FAR2: variants seen among roughly 807,000 people sequenced by gnomAD.
FAR2 encodes fatty acyl-CoA reductase 2.
Under a neutral mutation model 56.0 loss-of-function variants are expected in FAR2, and 19 were observed. That is an observed-to-expected ratio of 0.34 (90% CI 0.24 to 0.50). The LOEUF (loss-of-function observed/expected upper bound fraction) is 0.50. Ranked by LOEUF, FAR2 falls within the 20% of genes least tolerant of loss-of-function variation. The pLI is 0.98. For missense variants in FAR2, 508 were observed against 642.2 expected, an observed-to-expected ratio of 0.79 and a Z score of 2.26; for synonymous variants, 219 against 218.8, an observed-to-expected ratio of 1.00 and a Z score of -0.01.
In FAR2 at chr12:29,297,013, T is replaced by G. The variant is rs759020795; in HGVS notation, c.366-8T>G. 35 of 1,585,098 alleles carry G rather than the reference T, an allele frequency of 2.2e-5. No individual in the cohort carries two copies. In the South Asian group the frequency reaches 2.6e-4, roughly 12 times the overall value. Reference sequence around the variant, plus strand: ...TCATTGTATTTCCTTCTGCTTAATCTTCTCTAGACATGCTGTGCAACTTAA... The same window carrying G: ...TCATTGTATTTCCTTCTGCTTAATCGTCTCTAGACATGCTGTGCAACTTAA... On this transcript the variant is annotated splice_polypyrimidine_tract_variant and splice_region_variant and intron_variant, in intron 3 of 11. Transcript: ENST00000536681.
intron 1 of FAR2, among the ~76,000 whole-genome samples, chr12:29,235,148 G>A (rs1947919947): frequency 6.6e-6 from 1 of 152,060 alleles, no homozygotes; most frequent in African/African-American, 2.4e-5. Flanking sequence ...ATCACCCCTT[G>A]CTGGCTACAT....
intron 1 of FAR2, among the ~76,000 whole-genome samples, chr12:29,242,722 A>G (rs1311290137): frequency 5.3e-5 from 8 of 152,242 alleles, no homozygotes; most frequent in African/African-American, 1.9e-4. Context: ...AGAGGAAAGT[A>G]CTCAAAATGA....
intron 10 of FAR2, among the ~76,000 whole-genome samples, chr12:29,324,347 TC>T (rs1266826728): frequency 6.6e-6 from 1 of 152,062 alleles, no homozygotes; most frequent in African/African-American, 2.4e-5. Context: ...CAGGAGAACT[TC>T]CCCAATCTAG....
chr12:29,272,575 C>T (rs1332666953), intron 2 of FAR2, among the ~76,000 whole-genome samples: 1 of 152,186 alleles, frequency 6.6e-6, no homozygotes, highest in Non-Finnish European at 1.5e-5. Flanking sequence ...TAGGTTAGAA[C>T]ATGCTCCTTT....
intron 5 of FAR2, chr12:29,308,148 T>C (rs2288127): frequency 0.033 from 6,988 of 209,876 alleles, 173 homozygotes; most frequent in East Asian, 0.07. Context: ...AGTTTAAGCA[T>C]ACCAGAATGT....
chr12:29,208,439 C>T (rs1947501724), intron 1 of FAR2, among the ~76,000 whole-genome samples: 1 of 152,190 alleles, frequency 6.6e-6, no homozygotes. Flanking sequence ...GAAAATGTTC[C>T]CTCTTAATTT....
chr12:29,197,634 A>G lies in FAR2; in HGVS notation c.-39+48227A>G, dbSNP rs149775851. ...AAATGAAGCAAAATATGGATCCAGT[A>G]AAACTTTTTAAACTTAACAAAAAGT... On this transcript the variant is annotated intron_variant, in intron 1 of 11. Coordinates refer to ENST00000536681, the MANE Select transcript of FAR2 (RefSeq NM_001271783.2). Among the ~76,000 whole-genome samples the G allele has an allele frequency of 8.7e-3, 1,332 of 152,324 alleles. 27 individuals are homozygous for G. The highest frequency in any genetic ancestry group is 0.03 in the African/African-American group (1,258 of 41,576).
chr12:29,242,387 A>G (rs1414787904), intron 1 of FAR2, among the ~76,000 whole-genome samples: 1 of 152,184 alleles, frequency 6.6e-6, no homozygotes, highest in Non-Finnish European at 1.5e-5. Context: ...TTATGTTGAA[A>G]TGCTTTCAAG....
chr12:29,158,046 A>T (rs1043186553), intron 1 of FAR2, among the ~76,000 whole-genome samples: 52 of 152,202 alleles, frequency 3.4e-4, no homozygotes, highest in African/African-American at 1.2e-3. Flanking sequence ...TTAAAGATGG[A>T]TGGTATTCAG....
At chr12:29,267,757 T>G (rs1472816117) in intron 1 of FAR2, among the ~76,000 whole-genome samples, 1 of 152,238 alleles carries the variant, frequency 6.6e-6, no homozygotes, top group African/African-American at 2.4e-5. Flanking sequence ...GCTCAAACAG[T>G]AACTCAGTGA....
chr12:29,297,183 A>T lies in FAR2; in HGVS notation c.528A>T (p.Lys176Asn), dbSNP rs79585031. The T allele has an allele frequency of 2.4e-4, 393 of 1,612,156 alleles. 2 individuals carry two copies. In the East Asian group the frequency reaches 6.2e-3, roughly 25 times the overall value. Residue 176 changes from lysine to asparagine, a missense_variant, in exon 4 of 12, where the codon AAA becomes AAT. Physicochemically the swap from Lys to Asn is moderately conservative, Grantham distance 94. Transcript: ENST00000536681. Reference protein sequence around the residue: ...VIYPCPVEPKKIIDSLEWLDD... With the variant: ...VIYPCPVEPKNIIDSLEWLDD... ...ATCCGTGCCCTGTGGAGCCAAAAAAAATCATTGATTCCCTTGAGTAAGTTG... is the reference window on the plus strand; with the variant it reads ...ATCCGTGCCCTGTGGAGCCAAAAAATATCATTGATTCCCTTGAGTAAGTTG...
intron 1 of FAR2, among the ~76,000 whole-genome samples, chr12:29,196,025 C>T (rs963630235): frequency 7.2e-5 from 11 of 152,136 alleles, no homozygotes; most frequent in African/African-American, 2.7e-4. Flanking sequence ...CTGCAAAAGA[C>T]ATGATTTCAT....
Position 29,193,817 on chromosome 12 carries a change from A to G in FAR2, c.-39+44410A>G, listed in dbSNP as rs115204145. ...ATGAGCATGTTTACTTTTGTAAGAA[A>G]CTGCCAAACTGTATTCCAAAGTAGC... is the stretch of plus-strand genomic sequence containing the variant. On this transcript the variant is annotated intron_variant, in intron 1 of 11. Transcript: ENST00000536681. Among the ~76,000 whole-genome samples the G allele has an allele frequency of 4.7e-3, 722 of 152,280 alleles. 5 individuals are homozygous for G. The highest frequency in any genetic ancestry group is 0.017 in the African/African-American group (697 of 41,556).
At chr12:29,296,204 A>G (rs1007086954) in intron 3 of FAR2, among the ~76,000 whole-genome samples, 63 of 152,200 alleles carry the variant, frequency 4.1e-4, no homozygotes, top group African/African-American at 1.4e-3. Context: ...TTTAGTATCT[A>G]TATCTGTTCT....
intron 1 of FAR2, among the ~76,000 whole-genome samples, chr12:29,152,645 C>G (rs1479271493): frequency 1.3e-5 from 2 of 152,198 alleles, no homozygotes; most frequent in African/African-American, 4.8e-5. Context: ...ATGCAGTGTA[C>G]TTTAGGATAC....
chr12:29,254,184 A>T (rs967410984), intron 1 of FAR2, among the ~76,000 whole-genome samples: 22 of 152,232 alleles, frequency 1.4e-4, no homozygotes, highest in African/African-American at 5.1e-4. Context: ...TTCCTTTACC[A>T]GGAACTTAAA....
At chr12:29,178,464 T>C (rs1283006919) in intron 1 of FAR2, among the ~76,000 whole-genome samples, 1 of 152,152 alleles carries the variant, frequency 6.6e-6, no homozygotes, top group Non-Finnish European at 1.5e-5. Context: ...GGCATGATGG[T>C]GCCTGTCTGT....
intron 2 of FAR2, among the ~76,000 whole-genome samples, chr12:29,292,050 T>C (rs1948977119): frequency 6.6e-6 from 1 of 152,188 alleles, no homozygotes; most frequent in African/African-American, 2.4e-5. Flanking sequence ...GAACATTATT[T>C]CCTAAAATTG....
chr12:29,161,269 A>G lies in FAR2; in HGVS notation c.-39+11862A>G, dbSNP rs534103748. Among the ~76,000 whole-genome samples the G allele has an allele frequency of 3.3e-5, 5 of 152,290 alleles. No individual in the cohort carries two copies. In the East Asian group the frequency reaches 9.6e-4, roughly 29 times the overall value. On this transcript the variant is annotated intron_variant, in intron 1 of 11. Coordinates refer to ENST00000536681, the MANE Select transcript of FAR2 (RefSeq NM_001271783.2). ...TATCAGCATCCTATAAGCTCCCCTC[A>G]TACTCCTGGGCAGTCAGTACCTAGT...
Sources: allele counts gnomAD v4.1 joint callset (sites outside exome capture counted in the v4.1 genomes callset), GRCh38; gene constraint gnomAD v4.1.1; transcripts MANE v1.5; gene names NCBI Gene and HGNC (gene_info 2026-07-23, HGNC 2026-07-21).